Variants in PTPRJ observed in about 807,000 individuals in gnomAD.
PTPRJ encodes protein tyrosine phosphatase receptor type J, also known as receptor-type tyrosine-protein phosphatase eta.
Under a neutral mutation model 141.3 loss-of-function variants are expected in PTPRJ, and 129 were observed. The observed-to-expected ratio is 0.91, with a 90% CI of 0.79 to 1.06. The LOEUF (loss-of-function observed/expected upper bound fraction) is 1.06, where lower values mean the gene tolerates loss of function less well. PTPRJ is among the 50% of genes least tolerant of loss of function. PTPRJ has a pLI of 0.00. For missense variants in PTPRJ, 1,601 were observed against 1,679.7 expected, an observed-to-expected ratio of 0.95 and a Z score of 0.82; for synonymous variants, 610 against 640.5, an observed-to-expected ratio of 0.95 and a Z score of 0.72.
rs1172116788 is a variant in PTPRJ, at chr11:48,158,036, C to T, written c.3439-1894C>T. ...GCGTGGTGGTGCATGCCTGTAATCC[C>T]AGCTACTTGGGAGGCTGAGGCAGGA... On this transcript the variant is annotated intron_variant, in intron 21 of 24. Transcript: ENST00000418331. This position sits in a 1 kb window ranked among gnomAD's most constrained non-coding sequence, Gnocchi z 4.4. Among the ~76,000 whole-genome samples, 1 of 152,132 alleles carries T rather than the reference C, an allele frequency of 6.6e-6. No homozygotes were observed. Among genetic ancestry groups the T allele is most frequent in the Middle Eastern group, 3.2e-3 (1 of 316 alleles).
chr11:48,056,382 A>G (rs1294324592), intron 1 of PTPRJ, among the ~76,000 whole-genome samples: 1 of 152,146 alleles, frequency 6.6e-6, no homozygotes, highest in Admixed American at 6.5e-5. Context: ...CTGAGTGTAA[A>G]ATAGGTACAA....
intron 1 of PTPRJ, among the ~76,000 whole-genome samples, chr11:48,003,488 T>A (rs148322275): frequency 0.014 from 2,178 of 152,272 alleles, 29 homozygotes; most frequent in South Asian, 0.059. Flanking sequence ...AAAAAGATTT[T>A]AAATTTATTT....
At chr11:48,013,871 G>T (rs1854879189) in intron 1 of PTPRJ, among the ~76,000 whole-genome samples, 1 of 152,160 alleles carries the variant, frequency 6.6e-6, no homozygotes, top group Non-Finnish European at 1.5e-5. Flanking sequence ...CCTTCCGCTG[G>T]CCCCAGCCTC....
At chr11:48,130,099 C>T (rs1378174271) in intron 7 of PTPRJ, among the ~76,000 whole-genome samples, 1 of 151,098 alleles carries the variant, frequency 6.6e-6, no homozygotes, top group Non-Finnish European at 1.5e-5. Flanking sequence ...TGCTGTCCCT[C>T]CCTGAACAGA....
intron 1 of PTPRJ, among the ~76,000 whole-genome samples, chr11:48,028,145 G>A (rs990680735): frequency 1.3e-5 from 2 of 152,186 alleles, no homozygotes; most frequent in African/African-American, 2.4e-5. Flanking sequence ...ACATAAGGCC[G>A]TCTTGGTTTG....
chr11:48,019,280 C>G (rs1855041848), intron 1 of PTPRJ, among the ~76,000 whole-genome samples: 1 of 152,158 alleles, frequency 6.6e-6, no homozygotes, highest in South Asian at 2.1e-4. Context: ...GCATCCCGCC[C>G]TTCTGGTTCC....
At chr11:48,134,043 AC>A (rs1857033844) in intron 8 of PTPRJ, among the ~76,000 whole-genome samples, 1 of 152,218 alleles carries the variant, frequency 6.6e-6, no homozygotes, top group African/African-American at 2.4e-5. Context: ...TAGTTACACA[AC>A]ATTGTGAATA....
At chr11:47,986,715 C>G (rs1854060053) in intron 1 of PTPRJ, among the ~76,000 whole-genome samples, 1 of 152,120 alleles carries the variant, frequency 6.6e-6, no homozygotes, top group African/African-American at 2.4e-5. Context: ...GGGGTTTCAC[C>G]ACATTGGCCA....
At chr11:48,113,103 T>G (rs1314284508) in intron 3 of PTPRJ, 120 bp downstream of exon 3, 3 of 803,950 alleles carry the variant, frequency 3.7e-6, no homozygotes, top group Non-Finnish European at 5.8e-6. Flanking sequence ...TTTAAAAATT[T>G]TTATAAAGAT....
intron 1 of PTPRJ, among the ~76,000 whole-genome samples, chr11:48,080,891 A>G (rs990659191): frequency 4.6e-5 from 7 of 152,392 alleles, no homozygotes; most frequent in Admixed American, 3.9e-4. Flanking sequence ...TCCTACTTCT[A>G]TAGCCCAGTG....
Position 48,106,612 on chromosome 11 carries a change from C to T in PTPRJ, c.97-3446C>T, listed in dbSNP as rs558751041. Among the ~76,000 whole-genome samples the T allele has an allele frequency of 6.6e-5, 10 of 152,042 alleles. No individual in the cohort carries two copies. The South Asian group carries it at 1.2e-3, about 19-fold the overall frequency. On this transcript the variant is annotated intron_variant, in intron 1 of 24. Transcript: ENST00000418331. Reference sequence around the variant, plus strand: ...TCAGAGAGAGGGGAAGAGGAGAATACGTAGGGGGTCTGTTTTGATGTGTAT... The same window carrying T: ...TCAGAGAGAGGGGAAGAGGAGAATATGTAGGGGGTCTGTTTTGATGTGTAT...
rs1485845201 is a variant in PTPRJ, at chr11:48,130,478, C to T, written c.1377C>T (p.Asp459=). 3 of 1,611,892 alleles carry T rather than the reference C, an allele frequency of 1.9e-6. No homozygotes were observed. The highest frequency in any genetic ancestry group is 1.7e-5 in the Admixed American group (1 of 59,804). ...QVHTPPVPVS[D]FRVTVVSTTE... is the part of the protein sequence containing the mutation. The stretch of plus-strand genomic sequence containing the variant: ...GCATAGCCCCTGTTCCAGTTTCTGA[C>T]TTCCGAGTGACAGTGGTCAGCACGA... Residue 459 remains aspartate (D), a synonymous_variant, in exon 8 of 25, where the codon GAC becomes GAT. Coordinates refer to ENST00000418331, the MANE Select transcript of PTPRJ (RefSeq NM_002843.4).
intron 1 of PTPRJ, among the ~76,000 whole-genome samples, chr11:48,054,896 C>G (rs1311293098): frequency 6.6e-6 from 1 of 151,134 alleles, no homozygotes; most frequent in Non-Finnish European, 1.5e-5. Context: ...TATATAAAGC[C>G]GCTGGCAGCC....
intron 1 of PTPRJ, among the ~76,000 whole-genome samples, chr11:48,109,169 G>C (rs1266265538): frequency 6.6e-6 from 1 of 152,086 alleles, no homozygotes; most frequent in Non-Finnish European, 1.5e-5. Context: ...AGACCAGAGG[G>C]GCTAGTGGGC....
intron 1 of PTPRJ, among the ~76,000 whole-genome samples, chr11:48,036,217 CAGAT>C (rs1241157673): frequency 6.6e-6 from 1 of 152,248 alleles, no homozygotes; most frequent in Non-Finnish European, 1.5e-5. Context: ...TTGGCTGAAA[CAGAT>C]AGAAGAGTCT....
At chr11:48,151,309 TG>T (rs1243463759) in intron 18 of PTPRJ, among the ~76,000 whole-genome samples, 8 of 151,854 alleles carry the variant, frequency 5.3e-5, no homozygotes, top group African/African-American at 1.9e-4. Context: ...AACACTCTGA[TG>T]TCTGCCTCTG....
rs570341613 is a variant in PTPRJ, at chr11:48,170,149, A to C, written c.*2787A>C. 3 of 152,276 alleles carry C rather than the reference A, an allele frequency of 2.0e-5. No homozygotes were observed. In the South Asian group the frequency reaches 6.2e-4, roughly 32 times the overall value. The allele number at this position is 152,276 out of a possible 1,614,324, so 9.4% of individuals were successfully genotyped here. On this transcript the variant is annotated 3_prime_UTR_variant, in exon 25 of 25. Transcript: ENST00000418331. ...CCCCTGTTCAGTCTTTGACAATTGC[A>C]TACAGAAAAGCAGCTGGTATGGGTT...
rs1216320947 is a variant in PTPRJ, at chr11:48,050,677, C to T, written c.97-59381C>T. Among the ~76,000 whole-genome samples the T allele has an allele frequency of 2.0e-5, 3 of 151,390 alleles. No homozygotes were observed. The East Asian group carries it at 5.8e-4, about 29-fold the overall frequency. On this transcript the variant is annotated intron_variant, in intron 1 of 24. Transcript: ENST00000418331. The stretch of plus-strand genomic sequence containing the variant: ...TGAGATGTCTTGTACTTAGAAAATC[C>T]AATTTATAAAAAACCTCAAATAGAA...
In PTPRJ at chr11:48,158,532, G is replaced by A. The variant is rs78871327; in HGVS notation, c.3439-1398G>A. ...AATATACCTGGTAAGAGGCTGAGCTGGGAATCAACTCCATGTCAGTGTGTA... is the reference window on the plus strand; with the variant it reads ...AATATACCTGGTAAGAGGCTGAGCTAGGAATCAACTCCATGTCAGTGTGTA... On this transcript the variant is annotated intron_variant, in intron 21 of 24. Coordinates refer to ENST00000418331, the MANE Select transcript of PTPRJ (RefSeq NM_002843.4). This position sits in a 1 kb window ranked among gnomAD's most constrained non-coding sequence, Gnocchi z 4.4. Among the ~76,000 whole-genome samples the A allele has an allele frequency of 0.021, 3,206 of 152,262 alleles. 119 individuals are homozygous for A. The highest frequency in any genetic ancestry group is 0.073 in the African/African-American group (3,028 of 41,528).
Sources: allele counts gnomAD v4.1 joint callset (sites outside exome capture counted in the v4.1 genomes callset), GRCh38; gene constraint gnomAD v4.1.1; non-coding constraint Gnocchi (gnomAD v3.1); transcripts MANE v1.5; gene names NCBI Gene and HGNC (gene_info 2026-07-23, HGNC 2026-07-21).